USP34: variants seen among roughly 807,000 people sequenced by gnomAD.
USP34 encodes the protein ubiquitin carboxyl-terminal hydrolase 34.
Under a neutral mutation model 460.3 loss-of-function variants are expected in USP34, and 70 were observed. The ratio of observed to expected loss-of-function variants is 0.15; its 90% CI spans 0.13 to 0.19. USP34 has a LOEUF of 0.19. USP34 is among the 10% of genes least tolerant of loss of function. The pLI is 1.00. For missense variants in USP34, 3,985 were observed against 4,236.2 expected, an observed-to-expected ratio of 0.94 and a Z score of 1.65; for synonymous variants, 1,647 against 1,405.3, an observed-to-expected ratio of 1.17 and a Z score of -3.85.
intron 3 of USP34, among the ~76,000 whole-genome samples, chr2:61,404,383 C>G (rs1373581199): frequency 6.6e-6 from 1 of 152,160 alleles, no homozygotes; most frequent in Non-Finnish European, 1.5e-5. Flanking sequence ...CTCCTCCCCC[C>G]AGCAATGGAG....
At chr2:61,249,255 T>C (rs1367024896) in intron 48 of USP34, among the ~76,000 whole-genome samples, 1 of 152,202 alleles carries the variant, frequency 6.6e-6, no homozygotes, top group Non-Finnish European at 1.5e-5. Flanking sequence ...TGCACTTTGG[T>C]GCCATTAAGT....
At chr2:61,199,528 T>C (rs1686907575) in intron 75 of USP34, among the ~76,000 whole-genome samples, 1 of 152,216 alleles carries the variant, frequency 6.6e-6, no homozygotes, top group Admixed American at 6.5e-5. Context: ...AGTGCTGGGA[T>C]TATAGGCGCA....
intron 15 of USP34, among the ~76,000 whole-genome samples, chr2:61,345,652 A>G (rs1691745063): frequency 6.6e-6 from 1 of 152,208 alleles, no homozygotes. Context: ...TTTTATTTTT[A>G]GAGACAGAGT....
At chr2:61,307,816 G>C (rs1004408153) in intron 27 of USP34, among the ~76,000 whole-genome samples, 1 of 143,622 alleles carries the variant, frequency 7.0e-6, no homozygotes, top group Non-Finnish European at 1.5e-5. Flanking sequence ...GGACGGCCAA[G>C]GGGGGAGGAT....
At chr2:61,247,401 G>C (rs73932700) in intron 49 of USP34, among the ~76,000 whole-genome samples, 4,478 of 152,262 alleles carry the variant, frequency 0.029, 228 homozygotes, top group African/African-American at 0.1. Context: ...GCCAGGATCT[G>C]ACTGCATCAC....
chr2:61,299,578 C>G (rs1690155116), intron 29 of USP34, among the ~76,000 whole-genome samples: 2 of 151,950 alleles, frequency 1.3e-5, no homozygotes. Flanking sequence ...CATAGAGAGA[C>G]CATGTCTACA....
intron 76 of USP34, 43 bp downstream of exon 76, chr2:61,192,858 A>G (rs1312515408): frequency 3.9e-6 from 6 of 1,523,400 alleles, no homozygotes; most frequent in Non-Finnish European, 5.4e-6. Flanking sequence ...CCACTTGGTC[A>G]GATAAGATTA....
At chr2:61,344,767 G>GT (rs1036483278) in intron 15 of USP34, among the ~76,000 whole-genome samples, 4 of 152,136 alleles carry the variant, frequency 2.6e-5, no homozygotes, top group Non-Finnish European at 5.9e-5. Flanking sequence ...GTGAATGTTT[G>GT]TATCTATAAT....
intron 1 of USP34, among the ~76,000 whole-genome samples, chr2:61,428,653 A>G (rs1295982993): frequency 6.6e-6 from 1 of 152,228 alleles, no homozygotes; most frequent in Non-Finnish European, 1.5e-5. Context: ...ACAAGGATAA[A>G]ATCTGCAAAA....
chr2:61,432,728 G>C (rs555688036), intron 1 of USP34, among the ~76,000 whole-genome samples: 1 of 151,994 alleles, frequency 6.6e-6, no homozygotes, highest in East Asian at 1.9e-4. Context: ...CAATGGATAA[G>C]GTAAGGTGAA....
chr2:61,197,376 G>T (rs1482034583), intron 75 of USP34, among the ~76,000 whole-genome samples: 5 of 152,032 alleles, frequency 3.3e-5, no homozygotes, highest in African/African-American at 1.2e-4. Flanking sequence ...TCCTAATTTT[G>T]CGCTTCTTTT....
chr2:61,205,169 T>C (rs1345007490), intron 72 of USP34, among the ~76,000 whole-genome samples: 1 of 152,230 alleles, frequency 6.6e-6, no homozygotes, highest in African/African-American at 2.4e-5. Flanking sequence ...TTAATGTACG[T>C]TGATTATGTG....
Position 61,206,741 on chromosome 2 carries a change from G to C in USP34, c.9046+19C>G, listed in dbSNP as rs1572835064. 1.2e-6 allele frequency: 2 copies of C among 1,604,526 alleles called. No individual in the cohort carries two copies. Among genetic ancestry groups the C allele is most frequent in the South Asian group, 1.1e-5 (1 of 90,188 alleles). On this transcript the variant is annotated intron_variant, in intron 71 of 79. Coordinates refer to ENST00000398571, the MANE Select transcript of USP34 (RefSeq NM_014709.4). ...TACTAGTAGCACGAACAAAACATAA[G>C]AAGTAGGAATGAGCAAACCTTTTCT...
intron 2 of USP34, among the ~76,000 whole-genome samples, chr2:61,412,906 AG>A: frequency 6.8e-6 from 1 of 146,778 alleles, no homozygotes; most frequent in Non-Finnish European, 1.5e-5. Flanking sequence ...AAAAAAAAAG[AG>A]AGAATATGAA....
chr2:61,374,467 G>C (rs1045254527), intron 8 of USP34, among the ~76,000 whole-genome samples: 3 of 152,152 alleles, frequency 2.0e-5, no homozygotes, highest in Admixed American at 2.0e-4. Context: ...TCACAGACAT[G>C]CACATAGCAG....
chr2:61,206,994 T>C (rs1241555221), intron 70 of USP34, 108 bp from the exon 71 acceptor site: 1 of 1,148,810 alleles, frequency 8.7e-7, no homozygotes, highest in East Asian at 2.6e-5. Context: ...TCAGACTGTG[T>C]GTGCACATGT....
chr2:61,288,845 C>T lies in USP34; in HGVS notation c.4581G>A (p.Lys1527=), dbSNP rs1300509956. 1.7e-5 allele frequency: 28 copies of T among 1,613,280 alleles called. No homozygotes were observed. The highest frequency in any genetic ancestry group is 3.3e-5 in the South Asian group (3 of 91,088). Residue 1527 remains lysine, a synonymous_variant, in exon 34 of 80, where the codon AAG becomes AAA. Coordinates refer to ENST00000398571, the MANE Select transcript of USP34 (RefSeq NM_014709.4). ...GATCTACTGCAAACTGGCATATTAACTTCAGCAAGCAAGCAAGACAGTCTA... is the reference window on the plus strand; with the variant it reads ...GATCTACTGCAAACTGGCATATTAATTTCAGCAAGCAAGCAAGACAGTCTA... The part of the protein sequence containing the change: ...WQLDCLACLL[K]LICQFAVDPS...
chr2:61,282,912 A>C (rs1689577622), intron 37 of USP34, among the ~76,000 whole-genome samples: 1 of 152,216 alleles, frequency 6.6e-6, no homozygotes, highest in South Asian at 2.1e-4. Context: ...AAAGCAAAAT[A>C]ATCATTCTAT....
intron 30 of USP34, among the ~76,000 whole-genome samples, chr2:61,296,480 A>G (rs6545854): frequency 6.6e-6 from 1 of 152,144 alleles, no homozygotes; most frequent in Admixed American, 6.5e-5. Flanking sequence ...ATTTTCTCTA[A>G]ACATTACTTT....
Sources: gnomAD v4.1 joint callset for allele counts (sites outside exome capture counted in the v4.1 genomes callset) on GRCh38, gnomAD v4.1.1 for gene constraint, MANE v1.5 for transcripts, NCBI Gene and HGNC (gene_info 2026-07-23, HGNC 2026-07-21) for gene names.